The following PACS2 variants were observed in gnomAD, a reference collection of about 807,000 sequenced individuals.
The protein encoded by PACS2 is phosphofurin acidic cluster sorting protein 2.
A neutral mutation model predicts 113.0 loss-of-function variants in PACS2; 36 were observed. The observed-to-expected ratio is 0.32, with a 90% confidence interval of 0.24 to 0.42. The LOEUF is 0.42. PACS2 is among the 10% of genes least tolerant of loss of function. PACS2 has a pLI of 1.00. For missense variants in PACS2, 1,015 were observed against 1,239.5 expected (o/e 0.82, Z 2.72); for synonymous variants, 589 against 536.1 (o/e 1.10, Z -1.36).
intron 9 of PACS2, among the ~76,000 whole-genome samples, chr14:105,377,670 C>T (rs1347966534): frequency 2.0e-5 from 3 of 152,246 alleles, no homozygotes; most frequent in African/African-American, 7.2e-5. Context: ...GTTAGCCCTG[C>T]AGCCACGCAG....
chr14:105,330,794 C>T lies in PACS2; in HGVS notation c.119+15757C>T, dbSNP rs2059280081. ...CTGTGGTCAGTCATTTCTGTCCTCG[C>T]CTTTACCTCAAATCCTGCTTTTTGC... On this transcript the variant is annotated intron_variant, in intron 1 of 24. Transcript: ENST00000447393. The surrounding 1 kb of genome is among the most constrained non-coding windows in gnomAD (Gnocchi z 6.9). 6.6e-6 allele frequency among the ~76,000 whole-genome samples: 1 copy of T among 152,230 alleles called. No homozygotes were observed. Among genetic ancestry groups the T allele is most frequent in the African/African-American group, 2.4e-5 (1 of 41,460 alleles).
chr14:105,385,614 C>T (rs192357126), intron 18 of PACS2, 71 bp from the exon 19 acceptor site: 123 of 1,083,542 alleles, frequency 1.1e-4, no homozygotes, highest in South Asian at 1.6e-5. Context: ...TGAGTGCCCT[C>T]GGCGGTCCCT....
At position 105,340,412 on chromosome 14, in the gene PACS2, C is replaced by A. The variant is rs1281974367; in HGVS notation, c.120-8081C>A. On this transcript the variant is annotated intron_variant, in intron 1 of 24. Coordinates refer to ENST00000447393, the MANE Select transcript of PACS2 (RefSeq NM_001100913.3). The surrounding 1 kb of genome is among the most constrained non-coding windows in gnomAD (Gnocchi z 4.2). Reference sequence around the variant, plus strand: ...AAAGCAGTGGTCCCCAACCTTTTTGCCGCCAGGGACCGGTTTTGTGGAAGA... The same window carrying A: ...AAAGCAGTGGTCCCCAACCTTTTTGACGCCAGGGACCGGTTTTGTGGAAGA... 6.6e-6 allele frequency among the ~76,000 whole-genome samples: 1 copy of A among 152,182 alleles called. No individual in the cohort carries two copies. Among genetic ancestry groups the A allele is most frequent in the African/African-American group, 2.4e-5 (1 of 41,426 alleles).
rs1555412141 is a variant in PACS2 at position 105,381,945 on chromosome 14, C to A, written c.1300C>A (p.Arg434=). The part of the protein sequence containing the change: ...SEGKQAGRRG[R]STSLKERQAA... ...GGGGAAGCAGGCTGGCCGACGGGGC[C>A]GGAGCACATCCTTGAAGGAGCGGCA... The change falls in exon 13 of 25, where the codon CGG becomes AGG. Residue 434 remains arginine, a synonymous_variant. Transcript: ENST00000447393. 4.5e-6 allele frequency: 7 copies of A among 1,550,874 alleles called. No individual in the cohort carries two copies. The East Asian group carries it at 1.5e-4, about 32-fold the overall frequency.
chr14:105,353,600 TTTTG>T (rs1468783034), intron 3 of PACS2, among the ~76,000 whole-genome samples: 113 of 152,142 alleles, frequency 7.4e-4, no homozygotes, highest in Non-Finnish European at 8.1e-4. Flanking sequence ...TTTCTTTGTT[TTTTG>T]TTTGTTTGTT....
At chr14:105,336,557 C>G (rs587712985) in intron 1 of PACS2, 1 of 152,604 alleles carries the variant, frequency 6.6e-6, no homozygotes, top group African/African-American at 2.4e-5. Context: ...GAGGACAGGG[C>G]TGGGGCAGGC....
upstream of PACS2, chr14:105,314,554 C>A (rs1279155785): frequency 2.0e-5 from 3 of 146,356 alleles, no homozygotes; most frequent in African/African-American, 4.9e-5. Flanking sequence ...TGAGGCGCCG[C>A]CGGAGGAAGC....
intron 9 of PACS2, among the ~76,000 whole-genome samples, chr14:105,378,731 A>G (rs1555411129): frequency 6.6e-6 from 1 of 152,242 alleles, no homozygotes; most frequent in Non-Finnish European, 1.5e-5. Flanking sequence ...TTCACTTGAA[A>G]GGTCTTTTAA....
intron 19 of PACS2, among the ~76,000 whole-genome samples, chr14:105,388,001 G>A (rs1595175387): frequency 6.6e-6 from 1 of 152,388 alleles, no homozygotes; most frequent in African/African-American, 2.4e-5. Context: ...ACACAGCCAG[G>A]GTGCTGGGGG....
At chr14:105,390,513 G>T in intron 20 of PACS2, 1 of 179,698 alleles carries the variant, frequency 5.6e-6, no homozygotes, top group Non-Finnish European at 1.2e-5. Context: ...CCATCTTTTC[G>T]CTCTGTTGTG....
chr14:105,315,136 C>A lies in PACS2; in HGVS notation c.119+99C>A. On this transcript the variant is annotated intron_variant, in intron 1 of 24. Coordinates refer to ENST00000447393, the MANE Select transcript of PACS2 (RefSeq NM_001100913.3). The surrounding 1 kb of genome is among the most constrained non-coding windows in gnomAD (Gnocchi z 4.4). ...CCCATCCCCGGCCCGGGTCCCCCAG[C>A]GGAGCCCAGGTCGCCCCCCGCGCCC... 1 of 747,624 alleles carries A rather than the reference C, an allele frequency of 1.3e-6. No homozygotes were observed. The highest frequency in any genetic ancestry group is 1.7e-6 in the Non-Finnish European group (1 of 604,182). The allele number at this position is 747,624 out of a possible 1,614,324, so 46.3% of individuals were successfully genotyped here. A position where few individuals can be genotyped will look rare whatever the true frequency, so the allele number is the denominator to read the frequency against.
At position 105,323,597 on chromosome 14, in the gene PACS2, T is replaced by A. The variant is rs770669480; in HGVS notation, c.119+8560T>A. Among the ~76,000 whole-genome samples the A allele has an allele frequency of 6.6e-6, 1 of 152,226 alleles. No individual in the cohort carries two copies. Among genetic ancestry groups the A allele is most frequent in the Non-Finnish European group, 1.5e-5 (1 of 68,048 alleles). ...TTGAGTGGTGGGGAAGTCGCTGGAC[T>A]ATTTCAAGTGTGTGTATTTGGGAGA... On this transcript the variant is annotated intron_variant, in intron 1 of 24. Coordinates refer to ENST00000447393, the MANE Select transcript of PACS2 (RefSeq NM_001100913.3). This position sits in a 1 kb window ranked among gnomAD's most constrained non-coding sequence, Gnocchi z 4.1.
intron 4 of PACS2, among the ~76,000 whole-genome samples, chr14:105,363,451 T>C (rs1295990639): frequency 6.6e-6 from 1 of 152,232 alleles, no homozygotes; most frequent in Non-Finnish European, 1.5e-5. Context: ...ATTTCTGTTA[T>C]GGAGACGGCT....
At chr14:105,368,298 AC>A in intron 6 of PACS2, 151 bp downstream of exon 6, 1 of 821,026 alleles carries the variant, frequency 1.2e-6, no homozygotes. Flanking sequence ...TCGTCTCCCG[AC>A]CCCAGGGGCC....
At chr14:105,372,467 A>G (rs2061192463) in intron 8 of PACS2, 1 of 152,220 alleles carries the variant, frequency 6.6e-6, no homozygotes, top group Non-Finnish European at 1.5e-5. Flanking sequence ...CCTAGATTCT[A>G]AGCCTTAAAA....
intron 2 of PACS2, among the ~76,000 whole-genome samples, chr14:105,351,198 G>A (rs1393048702): frequency 1.3e-5 from 2 of 152,240 alleles, no homozygotes; most frequent in African/African-American, 2.4e-5. Context: ...CTCGGGGCAC[G>A]AGGTCCCCAA....
intron 9 of PACS2, among the ~76,000 whole-genome samples, chr14:105,379,477 T>C (rs1555411329): frequency 6.6e-6 from 1 of 152,182 alleles, no homozygotes; most frequent in Non-Finnish European, 1.5e-5. Context: ...CTGCAGCTGA[T>C]GTCAGGGCAG....
In PACS2 at chr14:105,352,363, C is replaced by G. The variant is rs1555404163; in HGVS notation, c.208-15C>G. On this transcript the variant is annotated splice_polypyrimidine_tract_variant and intron_variant, in intron 2 of 24. Transcript: ENST00000447393. ...TGCAGTCCTTTGAGCTAGAACAGGT[C>G]TTGCTTAATCACAGGGCTCCAAACG... The G allele has an allele frequency of 1.3e-6, 2 of 1,576,384 alleles. No homozygotes were observed. The highest frequency in any genetic ancestry group is 1.1e-5 in the South Asian group (1 of 90,348).
In PACS2 at chr14:105,315,118, C is replaced by G. The variant is rs923894092; in HGVS notation, c.119+81C>G. 1.1e-6 allele frequency: 1 copy of G among 879,274 alleles called. No individual in the cohort carries two copies. The highest frequency in any genetic ancestry group is 1.4e-6 in the Non-Finnish European group (1 of 722,020). 54.5% of individuals were successfully genotyped at this position (879,274 alleles called of 1,614,324 possible). Reference sequence around the variant, plus strand: ...GCCGCGGCCTCTGCGCGCCCCATCCCCGGCCCGGGTCCCCCAGCGGAGCCC... The same window carrying G: ...GCCGCGGCCTCTGCGCGCCCCATCCGCGGCCCGGGTCCCCCAGCGGAGCCC... On this transcript the variant is annotated intron_variant, in intron 1 of 24. Transcript: ENST00000447393. The surrounding 1 kb of genome is among the most constrained non-coding windows in gnomAD (Gnocchi z 4.4).
Sources: gnomAD v4.1 joint callset for allele counts (sites outside exome capture counted in the v4.1 genomes callset) on GRCh38, gnomAD v4.1.1 for gene constraint, Gnocchi (gnomAD v3.1) non-coding constraint, MANE v1.5 for transcripts, NCBI Gene and HGNC (gene_info 2026-07-23, HGNC 2026-07-21) for gene names.